Variants in STT3B observed in about 807,000 individuals in gnomAD.
The protein encoded by STT3B is dolichyl-diphosphooligosaccharide--protein glycosyltransferase subunit STT3B.
Under a neutral mutation model 96.8 loss-of-function variants are expected in STT3B, and 29 were observed. The ratio of observed to expected loss-of-function variants is 0.30; its 90% CI spans 0.22 to 0.41. STT3B has a LOEUF of 0.41. Among genes scored for constraint, STT3B ranks in the 10% least tolerant of loss-of-function variants. The pLI is 1.00. For missense variants in STT3B, 640 were observed against 1,022.3 expected, an observed-to-expected ratio of 0.63 and a Z score of 5.10; for synonymous variants, 367 against 360.0, an observed-to-expected ratio of 1.02 and a Z score of -0.22.
At chr3:31,580,211 G>A in intron 3 of STT3B, 115 bp downstream of exon 3, 3 of 957,578 alleles carry the variant, frequency 3.1e-6, no homozygotes, top group East Asian at 2.4e-5. Flanking sequence ...ACAGAGATCT[G>A]TATTACTGTT....
chr3:31,626,028 G>A lies in STT3B; in HGVS notation c.1974G>A (p.Leu658=). Residue 658 remains leucine, a synonymous_variant, in exon 13 of 16, where the codon TTG becomes TTA. Coordinates refer to ENST00000295770, the MANE Select transcript of STT3B (RefSeq NM_178862.3). ...IMRTLDVDYV[L]VIFGGVIGYS... ...GGACTCTAGATGTAGATTATGTTTT[G>A]GTTATTTTTGGAGGGGTTATTGGCT... The A allele has an allele frequency of 6.2e-7, 1 of 1,613,582 alleles. No homozygotes were observed. The highest frequency in any genetic ancestry group is 2.2e-5 in the East Asian group (1 of 44,786).
intron 6 of STT3B, among the ~76,000 whole-genome samples, chr3:31,615,792 A>G (rs1360365603): frequency 6.6e-6 from 1 of 151,940 alleles, no homozygotes; most frequent in African/African-American, 2.4e-5. Flanking sequence ...CCATTGTAAA[A>G]TGGACTTTTA....
chr3:31,618,824 A>G (rs996872085), intron 8 of STT3B, among the ~76,000 whole-genome samples: 9 of 152,100 alleles, frequency 5.9e-5, no homozygotes, highest in African/African-American at 2.2e-4. Context: ...GTAGAATGTT[A>G]TTCTGATTAG....
intron 1 of STT3B, among the ~76,000 whole-genome samples, chr3:31,566,145 C>A (rs1697999150): frequency 6.6e-6 from 1 of 152,148 alleles, no homozygotes; most frequent in African/African-American, 2.4e-5. Flanking sequence ...TCTGGTACCC[C>A]ACTCTTGTCT....
chr3:31,611,926 A>G (rs1312372951), intron 5 of STT3B, among the ~76,000 whole-genome samples: 1 of 152,192 alleles, frequency 6.6e-6, no homozygotes, highest in Non-Finnish European at 1.5e-5. Context: ...ATAGCAATAT[A>G]TGTGTAATTT....
intron 6 of STT3B, among the ~76,000 whole-genome samples, chr3:31,615,687 G>A (rs1026649455): frequency 2.6e-5 from 4 of 151,858 alleles, no homozygotes; most frequent in African/African-American, 9.7e-5. Flanking sequence ...ACACAATAAT[G>A]AATAGAATGT....
intron 8 of STT3B, 131 bp downstream of exon 8, chr3:31,618,119 A>G (rs1022728652): frequency 4.3e-6 from 3 of 698,230 alleles, no homozygotes; most frequent in Non-Finnish European, 5.1e-6. Flanking sequence ...TAGTTTAGTA[A>G]ATGTTAAATT....
chr3:31,542,672 G>A (rs1697309300), intron 1 of STT3B, among the ~76,000 whole-genome samples: 1 of 152,192 alleles, frequency 6.6e-6, no homozygotes, highest in Non-Finnish European at 1.5e-5. Flanking sequence ...CTATTTGGAT[G>A]ATGGTCCAAC....
Position 31,636,768 on chromosome 3 carries a change from A to G in STT3B, c.*704A>G, listed in dbSNP as rs1393877288. 1 of 152,200 alleles carries G rather than the reference A, an allele frequency of 6.6e-6. No homozygotes were observed. Among genetic ancestry groups the G allele is most frequent in the Admixed American group, 6.5e-5 (1 of 15,282 alleles). The allele number at this position is 152,200 out of a possible 1,614,324, so 9.4% of individuals were successfully genotyped here. ...GGTACTTACAGAGCAGATTTCATAC[A>G]TCATTCATTCAAGGGCTAAATTTAT... On this transcript the variant is annotated 3_prime_UTR_variant, in exon 16 of 16. Coordinates refer to ENST00000295770, the MANE Select transcript of STT3B (RefSeq NM_178862.3).
At chr3:31,610,645 TTC>T (rs1475335910) in intron 5 of STT3B, among the ~76,000 whole-genome samples, 1 of 152,216 alleles carries the variant, frequency 6.6e-6, no homozygotes, top group African/African-American at 2.4e-5. Flanking sequence ...GGTATATTTC[TTC>T]TCTATATCTG....
chr3:31,634,098 A>G (rs1461959631), intron 15 of STT3B, among the ~76,000 whole-genome samples: 1 of 152,220 alleles, frequency 6.6e-6, no homozygotes, highest in Admixed American at 6.5e-5. Context: ...AATATGTGCC[A>G]GATGTAAATT....
intron 5 of STT3B, among the ~76,000 whole-genome samples, chr3:31,604,780 AG>A (rs1385049532): frequency 6.6e-6 from 1 of 152,206 alleles, no homozygotes; most frequent in African/African-American, 2.4e-5. Flanking sequence ...ATAGTACAGA[AG>A]CAGACTTAGA....
intron 4 of STT3B, among the ~76,000 whole-genome samples, chr3:31,598,497 G>C (rs1411325887): frequency 6.6e-6 from 1 of 152,134 alleles, no homozygotes; most frequent in Non-Finnish European, 1.5e-5. Flanking sequence ...GCTGTAGAAA[G>C]ACTGTTCTTC....
intron 14 of STT3B, among the ~76,000 whole-genome samples, chr3:31,631,550 A>G (rs1360874089): frequency 6.6e-6 from 1 of 152,204 alleles, no homozygotes; most frequent in Non-Finnish European, 1.5e-5. Flanking sequence ...TTACTCAAGA[A>G]TAATATATGG....
Position 31,621,157 on chromosome 3 carries a change from C to T in STT3B, c.1328-940C>T, listed in dbSNP as rs1391187042. On this transcript the variant is annotated intron_variant, in intron 9 of 15. Transcript: ENST00000295770. ...ATATCTGTAGTGGAATACAACACAA[C>T]AATCATTAAAGAACAGGATGGGGAA... 3.3e-5 allele frequency among the ~76,000 whole-genome samples: 5 copies of T among 152,082 alleles called. No individual in the cohort carries two copies. The South Asian group carries it at 6.2e-4, about 19-fold the overall frequency.
Position 31,622,097 on chromosome 3 carries a change from T to G in STT3B, c.1328T>G (p.Val443Gly). The change falls in exon 10 of 16, where the codon GTT (valine) becomes GGT (glycine). Residue 443 changes from valine to glycine, a missense_variant and splice_region_variant. Coordinates refer to ENST00000295770, the MANE Select transcript of STT3B (RefSeq NM_178862.3). ...ATTGTAAGAGAATTTGTCTTTGCAGTTGCTCTATATGCAATCAGTGCTGTC... is the reference window on the plus strand; with the variant it reads ...ATTGTAAGAGAATTTGTCTTTGCAGGTGCTCTATATGCAATCAGTGCTGTC... Reference protein sequence around the residue: ...IKNINDERVFVALYAISAVYF... With the variant: ...IKNINDERVFGALYAISAVYF... 1 of 1,613,014 alleles carries G rather than the reference T, an allele frequency of 6.2e-7. No individual in the cohort carries two copies. The highest frequency in any genetic ancestry group is 8.5e-7 in the Non-Finnish European group (1 of 1,178,968).
intron 5 of STT3B, among the ~76,000 whole-genome samples, chr3:31,601,422 T>C (rs1698925407): frequency 6.6e-6 from 1 of 152,226 alleles, no homozygotes; most frequent in Non-Finnish European, 1.5e-5. Flanking sequence ...GAAAACTTTA[T>C]ACCATTATGT....
chr3:31,607,103 G>A (rs182855937), intron 5 of STT3B, among the ~76,000 whole-genome samples: 260 of 152,270 alleles, frequency 1.7e-3, no homozygotes, highest in South Asian at 9.3e-3. Context: ...TCGAGTGCCT[G>A]TACCCCCATT....
chr3:31,538,948 T>G (rs1405539053), intron 1 of STT3B, among the ~76,000 whole-genome samples: 2 of 152,108 alleles, frequency 1.3e-5, no homozygotes, highest in African/African-American at 4.8e-5. Context: ...TTTTTGTTTG[T>G]TTTTAAAGTC....
Sources: allele counts gnomAD v4.1 joint callset (sites outside exome capture counted in the v4.1 genomes callset), GRCh38; gene constraint gnomAD v4.1.1; transcripts MANE v1.5; gene names NCBI Gene and HGNC (gene_info 2026-07-23, HGNC 2026-07-21).